Variants in ZNF705G observed in about 807,000 individuals in gnomAD.
ZNF705G encodes the protein zinc finger protein 705G.
ZNF705G carries 23 observed loss-of-function variants against 19.6 expected under a neutral mutation model. The observed-to-expected ratio is 1.17, with a 90% CI of 0.84 to 1.66. ZNF705G has a LOEUF of 1.66. ZNF705G is among the 40% of genes most tolerant of loss of function. The pLI is 0.00. For synonymous variants in ZNF705G, 146 were observed against 117.7 expected, an observed-to-expected ratio of 1.24 and a Z score of -1.56; for missense variants, 457 against 354.4, an observed-to-expected ratio of 1.29 and a Z score of -2.32.
intron 2 of ZNF705G, among the ~76,000 whole-genome samples, chr8:7,379,591 A>G (rs1807399176): frequency 1.4e-5 from 2 of 147,256 alleles, no homozygotes; most frequent in African/African-American, 5.4e-5. Context: ...TGAGGTATGG[A>G]AGGAAGGAAA....
At position 7,358,448 on chromosome 8, in the gene ZNF705G, T is replaced by A. The variant is rs368463878; in HGVS notation, c.431A>T (p.Tyr144Phe). 6.2e-7 allele frequency: 1 copy of A among 1,607,646 alleles called. No homozygotes were observed. Among genetic ancestry groups the A allele is most frequent in the East Asian group, 2.2e-5 (1 of 44,860 alleles). ...CLLTHSGKKP[Y>F]VSKQCGKSLR... ...GGATTTTCCACACTGTTTGCTGACA[T>A]AGGGTTTCTTTCCACTATGAGTTAA... The change falls in exon 7 of 7, where the codon TAT becomes TTT. Residue 144 changes from tyrosine to phenylalanine, a missense_variant. Coordinates refer to ENST00000400156, the MANE Select transcript of ZNF705G (RefSeq NM_001164457.3).
chr8:7,383,561 A>T (rs1314467644), intron 1 of ZNF705G, among the ~76,000 whole-genome samples: 1 of 146,642 alleles, frequency 6.8e-6, no homozygotes, highest in Non-Finnish European at 1.5e-5. Flanking sequence ...GAGGTAAGGA[A>T]GTGCTGTGGC....
At chr8:7,384,401 G>A (rs1437060160) in intron 1 of ZNF705G, among the ~76,000 whole-genome samples, 2 of 145,394 alleles carry the variant, frequency 1.4e-5, no homozygotes, top group Non-Finnish European at 2.9e-5. Context: ...TCAAAAAGTG[G>A]GCAAAGGATG....
chr8:7,368,227 A>G (rs1289738510), intron 2 of ZNF705G, among the ~76,000 whole-genome samples: 1 of 149,664 alleles, frequency 6.7e-6, no homozygotes, highest in Non-Finnish European at 1.5e-5. Context: ...TTTTGAGACT[A>G]CTACTAAAAA....
At chr8:7,359,967 A>G (rs1271108238) in intron 5 of ZNF705G, among the ~76,000 whole-genome samples, 3 of 149,496 alleles carry the variant, frequency 2.0e-5, no homozygotes, top group East Asian at 1.9e-4. Flanking sequence ...GGGTATCAGG[A>G]AAAGAGTCAG....
intron 2 of ZNF705G, among the ~76,000 whole-genome samples, chr8:7,380,398 C>A (rs1479206951): frequency 6.8e-6 from 1 of 147,600 alleles, no homozygotes; most frequent in African/African-American, 2.7e-5. Flanking sequence ...AGTATGAGCC[C>A]ACCCAGCCTG....
At chr8:7,366,127 G>A (rs1235625307) in intron 2 of ZNF705G, among the ~76,000 whole-genome samples, 1 of 148,380 alleles carries the variant, frequency 6.7e-6, no homozygotes, top group Non-Finnish European at 1.5e-5. Flanking sequence ...AAACCAAAAC[G>A]AATATATATC....
intron 2 of ZNF705G, among the ~76,000 whole-genome samples, chr8:7,379,355 A>T (rs968295433): frequency 6.8e-6 from 1 of 147,338 alleles, no homozygotes; most frequent in Non-Finnish European, 1.5e-5. Context: ...TTTGCACTAT[A>T]TAACATTTAT....
chr8:7,368,860 C>T (rs930321962), intron 2 of ZNF705G, among the ~76,000 whole-genome samples: 157 of 149,652 alleles, frequency 1.0e-3, no homozygotes, highest in Non-Finnish European at 1.4e-3. Flanking sequence ...TTAGAGGGTG[C>T]AAGCCACAAG....
In ZNF705G at chr8:7,359,637, T is replaced by G. The variant is rs1358980887; in HGVS notation, c.300A>C (p.Ala100=). The G allele has an allele frequency of 5.0e-6, 8 of 1,606,736 alleles. No individual in the cohort carries two copies. In the African/African-American group the frequency reaches 5.6e-5, roughly 11 times the overall value. Residue 100 remains alanine (A), a synonymous_variant, in exon 6 of 7, where the codon GCA becomes GCC. Coordinates refer to ENST00000400156, the MANE Select transcript of ZNF705G (RefSeq NM_001164457.3). ...ISMHPITRKD[A]STSMTMENSL... is the part of the protein sequence containing the mutation. ...AACTTACCATTGTCATACTGGTGGA[T>G]GCGTCTTTTCTGGTGATAGGATGCA...
chr8:7,360,840 T>C (rs1305092992), intron 4 of ZNF705G, among the ~76,000 whole-genome samples: 2 of 149,488 alleles, frequency 1.3e-5, no homozygotes, highest in African/African-American at 5.1e-5. Flanking sequence ...AGTTCCCAGG[T>C]CTGTTATGAG....
Position 7,357,846 on chromosome 8 carries a change from T to C in ZNF705G, c.*130A>G. The C allele has an allele frequency of 7.1e-7, 1 of 1,403,712 alleles. No homozygotes were observed. Among genetic ancestry groups the C allele is most frequent in the South Asian group, 1.4e-5 (1 of 69,362 alleles). The allele number at this position is 1,403,712 out of a possible 1,614,324, so 87.0% of individuals were successfully genotyped here. A position where few individuals can be genotyped will look rare whatever the true frequency, so the allele number is the denominator to read the frequency against. Reference sequence around the variant, plus strand: ...CCGTGTCATCTAAAGTCAGAATATGTTCTGAAGAAGTTTATAATTTTCTCT... The same window carrying C: ...CCGTGTCATCTAAAGTCAGAATATGCTCTGAAGAAGTTTATAATTTTCTCT... On this transcript the variant is annotated 3_prime_UTR_variant, in exon 7 of 7. Transcript: ENST00000400156.
intron 2 of ZNF705G, among the ~76,000 whole-genome samples, chr8:7,366,590 G>C (rs1346902611): frequency 6.7e-6 from 1 of 149,546 alleles, no homozygotes; most frequent in Non-Finnish European, 1.5e-5. Context: ...AATAATACCT[G>C]AGTATAGTAC....
intron 2 of ZNF705G, among the ~76,000 whole-genome samples, chr8:7,363,905 A>G (rs770653041): frequency 2.7e-5 from 4 of 149,512 alleles, no homozygotes; most frequent in African/African-American, 5.1e-5. Context: ...TCCTGCTAAT[A>G]TAGCCCTTAA....
Position 7,362,884 on chromosome 8 carries a change from T to G in ZNF705G, c.12+51A>C, listed in dbSNP as rs1425911302. ...ATGCAAATTGGAGAAAACTGCCCAT[T>G]TGCCAGCAATATGGGTATAATTTCA... is the stretch of plus-strand genomic sequence containing the variant. On this transcript the variant is annotated intron_variant, in intron 3 of 6. Transcript: ENST00000400156. The G allele has an allele frequency of 4.5e-6, 7 of 1,564,416 alleles. 1 individual carries two copies. The highest frequency in any genetic ancestry group is 1.7e-6 in the Non-Finnish European group (2 of 1,161,434).
At chr8:7,359,350 G>A (rs369288290) in intron 6 of ZNF705G, among the ~76,000 whole-genome samples, 32 of 149,878 alleles carry the variant, frequency 2.1e-4, no homozygotes, top group East Asian at 7.7e-4. Flanking sequence ...CAACTGCAGC[G>A]TTATTGCATA....
At chr8:7,375,667 C>A (rs1221775713) in intron 2 of ZNF705G, among the ~76,000 whole-genome samples, 1 of 93,638 alleles carries the variant, frequency 1.1e-5, no homozygotes, top group African/African-American at 5.0e-5. Context: ...ACCTCTGAAC[C>A]GAGAGTAACA....
chr8:7,370,961 G>A lies in ZNF705G; in HGVS notation c.-71-7944C>T, dbSNP rs1431149489. 3.1e-5 allele frequency among the ~76,000 whole-genome samples: 4 copies of A among 127,442 alleles called. 1 individual carries two copies. Among genetic ancestry groups the A allele is most frequent in the African/African-American group, 1.3e-4 (4 of 30,786 alleles). The allele number at this position is 127,442 out of a possible 152,430, so 83.6% of individuals were successfully genotyped here. On this transcript the variant is annotated intron_variant, in intron 2 of 6. Coordinates refer to ENST00000400156, the MANE Select transcript of ZNF705G (RefSeq NM_001164457.3). ...CATTATTCTCAGCAAACTAACCCAC[G>A]AACAGAAAACCAAGCACTGCACGTT... is the stretch of plus-strand genomic sequence containing the variant.
intron 6 of ZNF705G, among the ~76,000 whole-genome samples, chr8:7,358,934 C>G (rs1400293654): frequency 6.7e-6 from 1 of 149,478 alleles, no homozygotes; most frequent in African/African-American, 2.6e-5. Flanking sequence ...CCCCAGTTCA[C>G]CAGGCACAAA....
Sources: allele counts gnomAD v4.1 joint callset (sites outside exome capture counted in the v4.1 genomes callset), GRCh38; gene constraint gnomAD v4.1.1; transcripts MANE v1.5; gene names NCBI Gene and HGNC (gene_info 2026-07-23, HGNC 2026-07-21).